The following SYNE1 variants were observed in gnomAD, a reference collection of about 807,000 sequenced individuals.
SYNE1 encodes the protein spectrin repeat containing nuclear envelope protein 1.
Under a neutral mutation model 1,111.0 loss-of-function variants are expected in SYNE1, and 616 were observed. The ratio of observed to expected loss-of-function variants is 0.55; its 90% CI spans 0.52 to 0.59. The LOEUF (loss-of-function observed/expected upper bound fraction) is 0.59. Ranked by LOEUF, SYNE1 falls within the 20% of genes least tolerant of loss-of-function variation. The probability of loss-of-function intolerance (pLI) is 0.00; values close to 1 mark genes in which losing one functional copy is unlikely to be tolerated. For missense variants in SYNE1, 10,006 were observed against 10,417.0 expected (o/e 0.96, Z 1.72); for synonymous variants, 3,855 against 3,825.8 (o/e 1.01, Z -0.28).
rs756232172 is a variant in SYNE1, at chr6:152,391,580, GAAA to G, written c.7713-15_7713-13del. On this transcript the variant is annotated splice_polypyrimidine_tract_variant and intron_variant, in intron 51 of 145. Transcript: ENST00000367255. ...TATCAAGAGACTCTCTGAAAAAAAG[GAAA>G]AAAAAAAAAAAGAAAAAAAATTAAT... The G allele has an allele frequency of 3.8e-5, 51 of 1,339,134 alleles. No homozygotes were observed. Among genetic ancestry groups the G allele is most frequent in the African/African-American group, 1.7e-4 (9 of 53,106 alleles). The allele number at this position is 1,339,134 out of a possible 1,614,324, so 83.0% of individuals were successfully genotyped here.
chr6:152,382,692 TCTAA>T (rs2097443719), intron 55 of SYNE1, among the ~76,000 whole-genome samples: 1 of 152,212 alleles, frequency 6.6e-6, no homozygotes, highest in Non-Finnish European at 1.5e-5. Context: ...CAGTGCTATG[TCTAA>T]CTAATAGACC....
At chr6:152,124,708 A>G (rs969197768) in intron 145 of SYNE1, among the ~76,000 whole-genome samples, 5 of 152,134 alleles carry the variant, frequency 3.3e-5, no homozygotes, top group Admixed American at 3.3e-4. Context: ...AAAAAAGTAT[A>G]TTTTGTGAAA....
At chr6:152,211,742 A>C (rs1013559877) in intron 123 of SYNE1, among the ~76,000 whole-genome samples, 154 bp from the exon 124 acceptor site, 1 of 152,200 alleles carries the variant, frequency 6.6e-6, no homozygotes, top group Non-Finnish European at 1.5e-5. Context: ...TTTAGGAATC[A>C]TTTATTTTTA....
chr6:152,283,556 A>G (rs2094151099), intron 96 of SYNE1, among the ~76,000 whole-genome samples: 1 of 152,136 alleles, frequency 6.6e-6, no homozygotes, highest in Non-Finnish European at 1.5e-5. Context: ...TGCTTTTTTG[A>G]GACAGAGTCT....
chr6:152,364,781 G>A (rs910546926), intron 63 of SYNE1, 66 bp downstream of exon 63: 15 of 1,602,124 alleles, frequency 9.4e-6, no homozygotes, highest in South Asian at 2.2e-5. Flanking sequence ...GGAATGGTCT[G>A]TTCAGTAGTA....
At chr6:152,378,423 C>T (rs890448759) in intron 56 of SYNE1, among the ~76,000 whole-genome samples, 4 of 152,156 alleles carry the variant, frequency 2.6e-5, no homozygotes, top group Admixed American at 6.5e-5. Context: ...AAGCATCATC[C>T]GGGCCTCTCC....
chr6:152,242,533 C>T, intron 106 of SYNE1, 93 bp from the exon 107 acceptor site: 1 of 1,433,180 alleles, frequency 7.0e-7, no homozygotes, highest in East Asian at 2.3e-5. Context: ...GCCCGAGACC[C>T]AACCAAGAAA....
chr6:152,126,607 T>G (rs1487430650), intron 145 of SYNE1: 2 of 152,232 alleles, frequency 1.3e-5, no homozygotes, highest in Non-Finnish European at 2.9e-5. Context: ...GCTTATTTGC[T>G]ACAAGTAAAT....
chr6:152,594,716 A>C (rs1421915609), intron 3 of SYNE1, among the ~76,000 whole-genome samples: 1 of 152,208 alleles, frequency 6.6e-6, no homozygotes, highest in Non-Finnish European at 1.5e-5. Flanking sequence ...ACTCTCTTGT[A>C]CAAAAAACTC....
At chr6:152,427,115 C>T (rs1012739087) in intron 38 of SYNE1, among the ~76,000 whole-genome samples, 6 of 152,168 alleles carry the variant, frequency 3.9e-5, no homozygotes, top group East Asian at 1.9e-4. Flanking sequence ...TTATACTCAA[C>T]GATTTTCTTT....
chr6:152,460,839 G>A (rs2098729134), intron 21 of SYNE1, among the ~76,000 whole-genome samples: 1 of 110,382 alleles, frequency 9.1e-6, no homozygotes, highest in Non-Finnish European at 1.7e-5. Flanking sequence ...GAGACAAAGA[G>A]TCTCGCCCTG....
chr6:152,182,839 C>T (rs933649397), intron 128 of SYNE1, among the ~76,000 whole-genome samples: 3 of 152,138 alleles, frequency 2.0e-5, no homozygotes, highest in Admixed American at 6.6e-5. Context: ...GAAATTTATT[C>T]TTTTGATTCA....
chr6:152,526,768 C>A (rs190116914), intron 4 of SYNE1, among the ~76,000 whole-genome samples: 177 of 152,294 alleles, frequency 1.2e-3, no homozygotes, highest in African/African-American at 3.6e-3. Flanking sequence ...ATCTAGCGAA[C>A]CTTCTTTCAG....
At chr6:152,578,261 C>G (rs2099508055) in intron 3 of SYNE1, among the ~76,000 whole-genome samples, 1 of 152,086 alleles carries the variant, frequency 6.6e-6, no homozygotes, top group South Asian at 2.1e-4. Context: ...CGGTCTGCCC[C>G]AATGTTAACA....
chr6:152,148,487 A>G lies in SYNE1; in HGVS notation c.24643-109T>C, dbSNP rs1187299984. 6 of 922,378 alleles carry G rather than the reference A, an allele frequency of 6.5e-6. No homozygotes were observed. The Admixed American group carries it at 1.2e-4, about 19-fold the overall frequency. 57.1% of individuals were successfully genotyped at this position (922,378 alleles called of 1,614,324 possible). A position where few individuals can be genotyped will look rare whatever the true frequency, so the allele number is the denominator to read the frequency against. Reference sequence around the variant, plus strand: ...AATTTTTAACTTCTTATGAGCAAATAAATAAGAATCTTCTGATCACAGAAA... The same window carrying G: ...AATTTTTAACTTCTTATGAGCAAATGAATAAGAATCTTCTGATCACAGAAA... On this transcript the variant is annotated intron_variant, in intron 136 of 145. Transcript: ENST00000367255. This position sits in a 1 kb window ranked among gnomAD's most constrained non-coding sequence, Gnocchi z 4.1.
In SYNE1 at chr6:152,155,940, A is replaced by G. The variant is rs1468752141; in HGVS notation, c.23948T>C (p.Ile7983Thr). 2.5e-6 allele frequency: 4 copies of G among 1,614,062 alleles called. No individual in the cohort carries two copies. In the South Asian group the frequency reaches 4.4e-5, roughly 18 times the overall value. ...CCTCCTTTCCATGGACATAGCACAA[A>G]TGTTTCTCCACCGCCGGTCCAGGTT... ...TRNLDRRWRN[I>T]CAMSMERRLK... Residue 7983 changes from isoleucine to threonine, a missense_variant, in exon 132 of 146, where the codon ATT becomes ACT. Coordinates refer to ENST00000367255, the MANE Select transcript of SYNE1 (RefSeq NM_182961.4).
intron 3 of SYNE1, among the ~76,000 whole-genome samples, chr6:152,588,513 C>T (rs2099547554): frequency 6.6e-6 from 1 of 152,160 alleles, no homozygotes; most frequent in South Asian, 2.1e-4. Context: ...TGATCAGTAG[C>T]TAACTAGGTT....
In SYNE1 at chr6:152,234,840, A is replaced by C. The variant is rs746226321; in HGVS notation, c.20397-40T>G. 3.1e-6 allele frequency: 5 copies of C among 1,610,152 alleles called. No homozygotes were observed. In the East Asian group the frequency reaches 8.9e-5, roughly 29 times the overall value. The stretch of plus-strand genomic sequence containing the variant: ...ATGGAGTCCATTAAGTAAACATTTC[A>C]TCCCTATCTTCTACTCACCTACGTT... On this transcript the variant is annotated intron_variant, in intron 110 of 145. Transcript: ENST00000367255.
chr6:152,184,625 C>A lies in SYNE1; in HGVS notation c.23302-4331G>T, dbSNP rs151101617. ...ATCTCCACTAAGCAGCTGGATTATA[C>A]ACATATATAGATAGATAGATAGATA... On this transcript the variant is annotated intron_variant, in intron 128 of 145. Transcript: ENST00000367255. Among the ~76,000 whole-genome samples, 315 of 139,970 alleles carry A rather than the reference C, an allele frequency of 2.3e-3. 1 individual carries two copies. Among genetic ancestry groups the A allele is most frequent in the African/African-American group, 8.2e-3 (309 of 37,676 alleles). The allele number at this position is 139,970 out of a possible 152,430, so 91.8% of individuals were successfully genotyped here.
Sources: allele counts gnomAD v4.1 joint callset (sites outside exome capture counted in the v4.1 genomes callset), GRCh38; gene constraint gnomAD v4.1.1; non-coding constraint Gnocchi (gnomAD v3.1); transcripts MANE v1.5; gene names NCBI Gene and HGNC (gene_info 2026-07-23, HGNC 2026-07-21).